ADAMTS15: variants seen among roughly 807,000 people sequenced by gnomAD.
The protein encoded by ADAMTS15 is ADAM metallopeptidase with thrombospondin type 1 motif 15, also known as A disintegrin and metalloproteinase with thrombospondin motifs 15.
A neutral mutation model predicts 79.1 loss-of-function variants in ADAMTS15; 35 were observed. The ratio of observed to expected loss-of-function variants is 0.44; its 90% CI spans 0.34 to 0.59. The LOEUF (loss-of-function observed/expected upper bound fraction) is 0.59. Among genes scored for constraint, ADAMTS15 ranks in the 20% least tolerant of loss-of-function variants. ADAMTS15 has a pLI of 0.02. For synonymous variants in ADAMTS15, 616 were observed against 567.3 expected, an observed-to-expected ratio of 1.09 and a Z score of -1.22; for missense variants, 1,324 against 1,318.7, an observed-to-expected ratio of 1.00 and a Z score of -0.06.
chr11:130,465,786 C>T (rs541244930), intron 4 of ADAMTS15, among the ~76,000 whole-genome samples: 160 of 152,164 alleles, frequency 1.1e-3, no homozygotes, highest in African/African-American at 3.7e-3. Context: ...CGGTTGTCCT[C>T]CTCCTCCTCA....
chr11:130,462,491 C>T lies in ADAMTS15; in HGVS notation c.1259-6C>T. 2 of 1,583,220 alleles carry T rather than the reference C, an allele frequency of 1.3e-6. No individual in the cohort carries two copies. The highest frequency in any genetic ancestry group is 1.7e-5 in the Admixed American group (1 of 58,690). The stretch of plus-strand genomic sequence containing the variant: ...CATCCTAACGAACGCCCTCGGCTCT[C>T]TGCAGGTGACTGCCTCCTGGACCAA... On this transcript the variant is annotated splice_region_variant and splice_polypyrimidine_tract_variant and intron_variant, in intron 3 of 7. Coordinates refer to ENST00000299164, the MANE Select transcript of ADAMTS15 (RefSeq NM_139055.4). This position sits in a 1 kb window ranked among gnomAD's most constrained non-coding sequence, Gnocchi z 4.3.
chr11:130,468,752 G>T (rs1317894679), intron 4 of ADAMTS15, among the ~76,000 whole-genome samples: 4 of 122,902 alleles, frequency 3.3e-5, no homozygotes, highest in Non-Finnish European at 6.5e-5. Context: ...GCGAAAGAGT[G>T]AGACTCCATC....
rs75045484 is a variant in ADAMTS15, at chr11:130,462,844, C to T, written c.1542+64C>T. On this transcript the variant is annotated intron_variant, in intron 4 of 7. Transcript: ENST00000299164. The surrounding 1 kb of genome is among the most constrained non-coding windows in gnomAD (Gnocchi z 4.3). ...AGGAGGGATGGAGACCCGGGGGCCT[C>T]GTCTGCCCTTGGTCTTCACCAGGAA... 3,631 of 1,530,928 alleles carry T rather than the reference C, an allele frequency of 2.4e-3. 60 individuals are homozygous for T. In the East Asian group the frequency reaches 0.027, roughly 11 times the overall value. 94.8% of individuals were successfully genotyped at this position (1,530,928 alleles called of 1,614,324 possible).
intron 7 of ADAMTS15, 143 bp downstream of exon 7, chr11:130,471,526 A>G: frequency 1.2e-6 from 1 of 808,528 alleles, no homozygotes; most frequent in Non-Finnish European, 1.8e-6. Flanking sequence ...ATACCCTTCT[A>G]GGGCTGCTAG....
intron 1 of ADAMTS15, chr11:130,450,273 C>T (rs1937936933): frequency 3.0e-6 from 3 of 985,330 alleles, no homozygotes; most frequent in Non-Finnish European, 3.6e-6. Context: ...TAGGAGACGC[C>T]GTGAGGATGG....
Position 130,453,050 on chromosome 11 carries a change from C to G in ADAMTS15, c.957+3120C>G, listed in dbSNP as rs568864782. ...ACCATGGGATGGGGAGCTTACAAGA[C>G]AACAGCTAATTTCAGCAGGTTGTGC... On this transcript the variant is annotated intron_variant, in intron 1 of 7. Transcript: ENST00000299164. Among the ~76,000 whole-genome samples, 8 of 151,894 alleles carry G rather than the reference C, an allele frequency of 5.3e-5. No homozygotes were observed. The East Asian group carries it at 1.2e-3, about 22-fold the overall frequency.
At position 130,476,062 on chromosome 11, in the gene ADAMTS15, C is replaced by T. The variant is rs927312537; in HGVS notation, c.*2241C>T. 4.6e-5 allele frequency: 7 copies of T among 152,182 alleles called. No homozygotes were observed. The highest frequency in any genetic ancestry group is 1.7e-4 in the African/African-American group (7 of 41,414). 9.4% of individuals were successfully genotyped at this position (152,182 alleles called of 1,614,324 possible). On this transcript the variant is annotated 3_prime_UTR_variant, in exon 8 of 8. Transcript: ENST00000299164. The stretch of plus-strand genomic sequence containing the variant: ...CTGTTGTGGTGGTTTTTCTTCTTTC[C>T]CTTTTTAAAAGACGCATGACCAAGA...
Position 130,473,478 on chromosome 11 carries a change from A to G in ADAMTS15, c.2510A>G (p.Asp837Gly). The G allele has an allele frequency of 1.2e-6, 2 of 1,611,828 alleles. No individual in the cohort carries two copies. The highest frequency in any genetic ancestry group is 1.1e-5 in the South Asian group (1 of 91,072). ...SLSNQVEQPD[D>G]RPPARWVAGS... The stretch of plus-strand genomic sequence containing the variant: ...TCCAACCAGGTGGAGCAGCCGGACG[A>G]CAGGCCCCCTGCACGCTGGGTGGCT... Residue 837 changes from aspartate (D) to glycine (G), a missense_variant, in exon 8 of 8, where the codon GAC becomes GGC. Coordinates refer to ENST00000299164, the MANE Select transcript of ADAMTS15 (RefSeq NM_139055.4).
At chr11:130,466,206 G>C (rs572507911) in intron 4 of ADAMTS15, among the ~76,000 whole-genome samples, 1 of 152,094 alleles carries the variant, frequency 6.6e-6, no homozygotes, top group Non-Finnish European at 1.5e-5. Flanking sequence ...GGAGTGCTTC[G>C]GCACTCATTC....
chr11:130,457,771 G>T lies in ADAMTS15; in HGVS notation c.958-3718G>T, dbSNP rs1159220785. Reference sequence around the variant, plus strand: ...TTTTTGATGCCACAAAGGAGGCACTGCTGGGCCCCTGTATAAGCACTCGTA... The same window carrying T: ...TTTTTGATGCCACAAAGGAGGCACTTCTGGGCCCCTGTATAAGCACTCGTA... On this transcript the variant is annotated intron_variant, in intron 1 of 7. Transcript: ENST00000299164. Among the ~76,000 whole-genome samples the T allele has an allele frequency of 2.0e-5, 3 of 152,290 alleles. No homozygotes were observed. In the East Asian group the frequency reaches 5.8e-4, roughly 29 times the overall value.
chr11:130,458,695 G>A (rs1237742700), intron 1 of ADAMTS15, among the ~76,000 whole-genome samples: 2 of 152,162 alleles, frequency 1.3e-5, no homozygotes, highest in East Asian at 3.9e-4. Flanking sequence ...CTTAGTGATA[G>A]GGCCAGGACC....
Position 130,468,776 on chromosome 11 carries a change from A to AT in ADAMTS15, c.1543-486_1543-485insT, listed in dbSNP as rs1324077335. ...TGAGACTCCATCTCAAAAAAAAAAA[A>AT]AAAAAAAATAATTAGCCGGGCATGG... On this transcript the variant is annotated intron_variant, in intron 4 of 7. Coordinates refer to ENST00000299164, the MANE Select transcript of ADAMTS15 (RefSeq NM_139055.4). Among the ~76,000 whole-genome samples, 642 of 148,134 alleles carry AT rather than the reference A, an allele frequency of 4.3e-3. 6 individuals are homozygous for AT. The highest frequency in any genetic ancestry group is 0.015 in the African/African-American group (591 of 39,132).
rs756911492 is a variant in ADAMTS15, at chr11:130,462,556, G to A, written c.1318G>A (p.Ala440Thr). 5.0e-6 allele frequency: 8 copies of A among 1,611,578 alleles called. No individual in the cohort carries two copies. The highest frequency in any genetic ancestry group is 2.2e-5 in the East Asian group (1 of 44,776). The change falls in exon 4 of 8, where the codon GCC becomes ACC. Residue 440 changes from alanine to threonine, a missense_variant. Ala to Thr is a moderately conservative substitution (Grantham distance 58). Transcript: ENST00000299164. This position sits in a 1 kb window ranked among gnomAD's most constrained non-coding sequence, Gnocchi z 4.3. ...CTCCCTGCCCGAGGATCTGCCGGGCGCCAGCTACACCCTGAGCCAGCAGTG... is the reference window on the plus strand; with the variant it reads ...CTCCCTGCCCGAGGATCTGCCGGGCACCAGCTACACCCTGAGCCAGCAGTG... Reference protein sequence around the residue: ...PISLPEDLPGASYTLSQQCEL... With the variant: ...PISLPEDLPGTSYTLSQQCEL...
In ADAMTS15 at chr11:130,470,184, G is replaced by GTATA. The variant is rs1281455253; in HGVS notation, c.1721-735_1721-734insATAT. On this transcript the variant is annotated intron_variant, in intron 5 of 7. Transcript: ENST00000299164. ...TATATATATATATATATATATATGTGTGTATATATATATATATATATATAT... is the reference window on the plus strand; with the variant it reads ...TATATATATATATATATATATATGTGTATATGTATATATATATATATATATATAT... Among the ~76,000 whole-genome samples the GTATA allele has an allele frequency of 6.6e-3, 331 of 50,140 alleles. 13 individuals carry two copies. The highest frequency in any genetic ancestry group is 9.7e-3 in the Non-Finnish European group (258 of 26,596). 32.9% of individuals were successfully genotyped at this position (50,140 alleles called of 152,430 possible).
rs374081471 is a variant in ADAMTS15, at chr11:130,449,366, C to T, written c.393C>T (p.Gly131=). 146 of 1,605,472 alleles carry T rather than the reference C, an allele frequency of 9.1e-5. No homozygotes were observed. Among genetic ancestry groups the T allele is most frequent in the Middle Eastern group, 1.6e-4 (1 of 6,076 alleles). ...TCCGCGGAGCCTTTGGCTACCGAGG[C>T]GCCGAGTATGTCATTAGCCCGCTGC... is the stretch of plus-strand genomic sequence containing the variant. The part of the protein sequence containing the change: ...GGLRGAFGYR[G]AEYVISPLPN... The change falls in exon 1 of 8, where the codon GGC becomes GGT. Residue 131 remains glycine, a synonymous_variant. Coordinates refer to ENST00000299164, the MANE Select transcript of ADAMTS15 (RefSeq NM_139055.4). This position sits in a 1 kb window ranked among gnomAD's most constrained non-coding sequence, Gnocchi z 7.8.
rs551454867 is a variant in ADAMTS15 at position 130,472,992 on chromosome 11, A to C, written c.2079-55A>C. 2 of 1,583,088 alleles carry C rather than the reference A, an allele frequency of 1.3e-6. No homozygotes were observed. The highest frequency in any genetic ancestry group is 4.5e-5 in the East Asian group (2 of 44,528). ...CTGAGGAAAACAGATCCTGGAGCAT[A>C]AGGTCCTCAGGTCCAGGCTTCTATC... On this transcript the variant is annotated intron_variant, in intron 7 of 7. Transcript: ENST00000299164. The surrounding 1 kb of genome is among the most constrained non-coding windows in gnomAD (Gnocchi z 4.7).
Position 130,449,852 on chromosome 11 carries a change from T to G in ADAMTS15, c.879T>G (p.Cys293Trp). ...CGGCCCTGACGCTGCGCAACTTCTG[T>G]GCCTGGCAGAAGAAGCTGAACAAAG... ...GNAALTLRNFCAWQKKLNKVS... is the reference protein window; with the variant it reads ...GNAALTLRNFWAWQKKLNKVS... The change falls in exon 1 of 8, where the codon TGT becomes TGG. Residue 293 changes from cysteine to tryptophan, a missense_variant. Transcript: ENST00000299164. The surrounding 1 kb of genome is among the most constrained non-coding windows in gnomAD (Gnocchi z 7.8). The G allele has an allele frequency of 6.2e-7, 1 of 1,606,954 alleles. No individual in the cohort carries two copies. The highest frequency in any genetic ancestry group is 8.5e-7 in the Non-Finnish European group (1 of 1,179,994).
chr11:130,450,691 G>A lies in ADAMTS15; in HGVS notation c.957+761G>A, dbSNP rs1592142867. Among the ~76,000 whole-genome samples, 7 of 152,276 alleles carry A rather than the reference G, an allele frequency of 4.6e-5. No homozygotes were observed. In the East Asian group the frequency reaches 1.4e-3, roughly 29 times the overall value. ...TGGAGTTTTACTTGGAGCTGAGTTG[G>A]GAAAATCTCTTCCAATTTTCCTGTA... On this transcript the variant is annotated intron_variant, in intron 1 of 7. Coordinates refer to ENST00000299164, the MANE Select transcript of ADAMTS15 (RefSeq NM_139055.4).
chr11:130,449,216 T>C lies in ADAMTS15; in HGVS notation c.243T>C (p.Thr81=). The change falls in exon 1 of 8, where the codon ACT becomes ACC. Residue 81 remains threonine (T), a synonymous_variant. Transcript: ENST00000299164. The surrounding 1 kb of genome is among the most constrained non-coding windows in gnomAD (Gnocchi z 7.8). ...DAQFLAPAFS[T]EHLGVPLQGL... is the part of the protein sequence containing the mutation. ...AGTTCTTGGCTCCCGCCTTCTCCAC[T>C]GAGCATCTGGGCGTCCCCCTCCAGG... The C allele has an allele frequency of 6.2e-7, 1 of 1,614,104 alleles. No homozygotes were observed.
Sources: allele counts gnomAD v4.1 joint callset (sites outside exome capture counted in the v4.1 genomes callset), GRCh38; gene constraint gnomAD v4.1.1; non-coding constraint Gnocchi (gnomAD v3.1); transcripts MANE v1.5; gene names NCBI Gene and HGNC (gene_info 2026-07-23, HGNC 2026-07-21).